SCN11A: variants seen among roughly 807,000 people sequenced by gnomAD.
SCN11A encodes the protein sodium voltage-gated channel alpha subunit 11.
Under a neutral mutation model 162.2 loss-of-function variants are expected in SCN11A, and 122 were observed. That is an observed-to-expected ratio of 0.75 (90% CI 0.65 to 0.87). The LOEUF (loss-of-function observed/expected upper bound fraction) is 0.87, where lower values mean the gene tolerates loss of function less well. Among genes scored for constraint, SCN11A ranks in the 40% least tolerant of loss-of-function variants. The probability of loss-of-function intolerance (pLI) is 0.00; values close to 1 mark genes in which losing one functional copy is unlikely to be tolerated. For missense variants in SCN11A, 2,015 were observed against 2,181.6 expected, an observed-to-expected ratio of 0.92 and a Z score of 1.52; for synonymous variants, 758 against 751.5, an observed-to-expected ratio of 1.01 and a Z score of -0.14.
intron 19 of SCN11A, among the ~76,000 whole-genome samples, chr3:38,892,902 A>G (rs559919635): frequency 6.6e-6 from 1 of 152,276 alleles, no homozygotes; most frequent in African/African-American, 2.4e-5. Context: ...AAAATGTTAT[A>G]CTAGAAAATA....
chr3:38,978,169 T>G (rs954074202), intron 2 of SCN11A, among the ~76,000 whole-genome samples: 2 of 152,230 alleles, frequency 1.3e-5, no homozygotes, highest in Non-Finnish European at 2.9e-5. Flanking sequence ...TGACCACATC[T>G]GCTTCCTGCA....
chr3:38,930,165 T>C (rs185020814), intron 7 of SCN11A, among the ~76,000 whole-genome samples: 2 of 152,256 alleles, frequency 1.3e-5, no homozygotes, highest in Admixed American at 1.3e-4. Context: ...AGCTTATCAG[T>C]TCAGAGTAAA....
chr3:38,922,805 G>A (rs2066074951), intron 9 of SCN11A, among the ~76,000 whole-genome samples: 1 of 152,152 alleles, frequency 6.6e-6, no homozygotes, highest in Non-Finnish European at 1.5e-5. Flanking sequence ...GCTTCTGTTT[G>A]AAAGGACTGG....
intron 11 of SCN11A, 33 bp from the exon 12 acceptor site, chr3:38,910,240 T>C (rs765050665): frequency 5.0e-6 from 8 of 1,596,798 alleles, no homozygotes; most frequent in Middle Eastern, 1.7e-4. Flanking sequence ...GAAATAATTA[T>C]GTACGCCACA....
At chr3:39,031,937 A>G (rs1426699543) in intron 2 of SCN11A, among the ~76,000 whole-genome samples, 2 of 152,204 alleles carry the variant, frequency 1.3e-5, no homozygotes, top group African/African-American at 2.4e-5. Flanking sequence ...ACTGATAGAT[A>G]TATTTTACAG....
In SCN11A at chr3:38,872,263, T is replaced by C; in HGVS notation, c.3425A>G (p.Glu1142Gly). The C allele has an allele frequency of 6.2e-7, 1 of 1,607,950 alleles. No homozygotes were observed. Among genetic ancestry groups the C allele is most frequent in the Non-Finnish European group, 8.5e-7 (1 of 1,174,682 alleles). Residue 1142 changes from glutamate to glycine, a missense_variant, in exon 24 of 30, where the codon GAA becomes GGA. Glu to Gly is a moderately conservative substitution (Grantham distance 98). Coordinates refer to ENST00000302328, the MANE Select transcript of SCN11A (RefSeq NM_001349253.2). ...VSVTTLINLM[E>G]LKSFRTLRAL... ...TCGTAGAGTCCGGAAGGACTTCAAT[T>C]CCATTAAGTTAATGAGGGTGGTCAC...
chr3:38,873,663 C>G (rs1420502057), intron 23 of SCN11A, among the ~76,000 whole-genome samples: 2 of 152,134 alleles, frequency 1.3e-5, no homozygotes, highest in Non-Finnish European at 2.9e-5. Context: ...CTACAGAGAC[C>G]TTATACACCT....
At chr3:38,979,507 G>T (rs1185046363) in intron 2 of SCN11A, among the ~76,000 whole-genome samples, 1 of 152,180 alleles carries the variant, frequency 6.6e-6, no homozygotes, top group Non-Finnish European at 1.5e-5. Flanking sequence ...TTGCAGATCT[G>T]TGTCATCCCA....
At chr3:38,987,763 G>A (rs2030310258) in intron 2 of SCN11A, among the ~76,000 whole-genome samples, 1 of 152,160 alleles carries the variant, frequency 6.6e-6, no homozygotes, top group Non-Finnish European at 1.5e-5. Flanking sequence ...CTCTCTCAGG[G>A]AGCCAAGGTG....
chr3:39,000,112 A>C (rs2030764421), intron 2 of SCN11A, among the ~76,000 whole-genome samples: 1 of 152,242 alleles, frequency 6.6e-6, no homozygotes, highest in African/African-American at 2.4e-5. Flanking sequence ...TCTGCTTTGT[A>C]GCTACTGCCA....
intron 19 of SCN11A, among the ~76,000 whole-genome samples, chr3:38,888,581 G>A (rs975471564): frequency 6.6e-6 from 1 of 152,184 alleles, no homozygotes; most frequent in African/African-American, 2.4e-5. Context: ...ATTTAATAAA[G>A]AAGTTACATA....
rs1559481971 is a variant in SCN11A at position 38,846,819 on chromosome 3, CCTT to C, written c.5248_5250del (p.Lys1750del). On this transcript the variant is annotated inframe_deletion, in exon 30 of 30. Transcript: ENST00000302328. ...TGGTCACCTTGGTCACCCTTGGTCA[CCTT>C]CATCATGTACTTTCGAAAGGCCTTT... 1 of 1,613,760 alleles carries C rather than the reference CCTT, an allele frequency of 6.2e-7. No individual in the cohort carries two copies. The highest frequency in any genetic ancestry group is 8.5e-7 in the Non-Finnish European group (1 of 1,179,980).
At chr3:38,892,314 T>C (rs1254305213) in intron 19 of SCN11A, among the ~76,000 whole-genome samples, 2 of 152,208 alleles carry the variant, frequency 1.3e-5, no homozygotes, top group Non-Finnish European at 2.9e-5. Flanking sequence ...TGACCCTAAA[T>C]GGTAATACAA....
At position 38,846,664 on chromosome 3, in the gene SCN11A, A is replaced by C. The variant is rs751807507; in HGVS notation, c.*30T>G. 1.3e-6 allele frequency: 2 copies of C among 1,584,566 alleles called. No homozygotes were observed. The highest frequency in any genetic ancestry group is 2.2e-5 in the South Asian group (2 of 90,150). On this transcript the variant is annotated 3_prime_UTR_variant, in exon 30 of 30. Coordinates refer to ENST00000302328, the MANE Select transcript of SCN11A (RefSeq NM_001349253.2). ...CTCAGAGGCTGAAGGCAAGGCTGTG[A>C]AGCTATGAGGTAGGCGTGGAGGTGA...
At chr3:39,026,028 C>G (rs186420665) in intron 2 of SCN11A, 64 of 152,180 alleles carry the variant, frequency 4.2e-4, no homozygotes, top group African/African-American at 1.5e-3. Context: ...TAGAATGATA[C>G]AGAGAAGATT....
At chr3:38,999,482 C>A (rs2030744241) in intron 2 of SCN11A, among the ~76,000 whole-genome samples, 1 of 152,094 alleles carries the variant, frequency 6.6e-6, no homozygotes, top group African/African-American at 2.4e-5. Context: ...TCTAATTATC[C>A]CCTTTTGAAG....
intron 22 of SCN11A, among the ~76,000 whole-genome samples, chr3:38,882,819 C>G (rs561365204): frequency 1.5e-4 from 23 of 152,282 alleles, no homozygotes; most frequent in African/African-American, 5.3e-4. Flanking sequence ...AATCTGGTCC[C>G]TGTAACTCCC....
chr3:38,868,747 G>A (rs2065079957), intron 26 of SCN11A, among the ~76,000 whole-genome samples: 1 of 152,326 alleles, frequency 6.6e-6, no homozygotes, highest in East Asian at 1.9e-4. Context: ...GGAAGGCAAA[G>A]AGGGTATTCT....
At chr3:38,978,379 C>G (rs1439813191) in intron 2 of SCN11A, among the ~76,000 whole-genome samples, 1 of 152,214 alleles carries the variant, frequency 6.6e-6, no homozygotes, top group Non-Finnish European at 1.5e-5. Flanking sequence ...GGCACGGTAG[C>G]TCATACCTGT....
Sources: allele counts gnomAD v4.1 joint callset (sites outside exome capture counted in the v4.1 genomes callset), GRCh38; gene constraint gnomAD v4.1.1; transcripts MANE v1.5; gene names NCBI Gene and HGNC (gene_info 2026-07-23, HGNC 2026-07-21).